MMS22L: variants seen among roughly 807,000 people sequenced by gnomAD.
MMS22L encodes protein MMS22-like.
MMS22L carries 74 observed loss-of-function variants against 159.1 expected under a neutral mutation model. The observed-to-expected ratio is 0.47, with a 90% CI of 0.39 to 0.56. MMS22L has a LOEUF of 0.56. Among genes scored for constraint, MMS22L ranks in the 20% least tolerant of loss-of-function variants. The probability of loss-of-function intolerance (pLI) is 0.00; values close to 1 mark genes in which losing one functional copy is unlikely to be tolerated. For synonymous variants in MMS22L, 517 were observed against 506.9 expected (o/e 1.02, Z -0.27); for missense variants, 1,351 against 1,422.1 (o/e 0.95, Z 0.80).
chr6:97,215,624 A>G (rs1347208407), intron 14 of MMS22L, among the ~76,000 whole-genome samples: 1 of 152,190 alleles, frequency 6.6e-6, no homozygotes, highest in Non-Finnish European at 1.5e-5. Flanking sequence ...AATGAGCAGC[A>G]TAGTGACACA....
chr6:97,241,089 AC>A (rs1442281642), intron 11 of MMS22L, among the ~76,000 whole-genome samples: 1 of 152,198 alleles, frequency 6.6e-6, no homozygotes. Flanking sequence ...GAGTGTTGTC[AC>A]TAAGAATAAT....
intron 7 of MMS22L, 114 bp downstream of exon 7, chr6:97,269,788 G>A (rs1815530473): frequency 1.4e-6 from 1 of 700,092 alleles, no homozygotes; most frequent in Non-Finnish European, 2.3e-6. Flanking sequence ...TTCATACTTT[G>A]TTTACTATTT....
At chr6:97,183,122 C>A (rs12190854) in intron 15 of MMS22L, among the ~76,000 whole-genome samples, 2 of 152,158 alleles carry the variant, frequency 1.3e-5, no homozygotes, top group Admixed American at 1.3e-4. Context: ...TTGTAAAGTA[C>A]CCCAATTTTT....
chr6:97,165,929 A>G (rs1582426440), intron 20 of MMS22L, among the ~76,000 whole-genome samples: 1 of 152,152 alleles, frequency 6.6e-6, no homozygotes, highest in African/African-American at 2.4e-5. Flanking sequence ...GGCGAGGAAT[A>G]TGGAAATTAA....
At chr6:97,174,714 C>T (rs931547442) in intron 18 of MMS22L, among the ~76,000 whole-genome samples, 7 of 152,020 alleles carry the variant, frequency 4.6e-5, no homozygotes, top group Admixed American at 6.6e-5. Flanking sequence ...GGTTTAGTCA[C>T]GGAAGTGGGT....
intron 14 of MMS22L, among the ~76,000 whole-genome samples, chr6:97,225,621 G>A (rs1264539095): frequency 6.6e-6 from 1 of 150,542 alleles, no homozygotes; most frequent in Non-Finnish European, 1.5e-5. Context: ...CACACAGGCT[G>A]GAGTGCAGTG....
At chr6:97,200,781 G>A (rs1337432453) in intron 14 of MMS22L, among the ~76,000 whole-genome samples, 2 of 152,040 alleles carry the variant, frequency 1.3e-5, no homozygotes, top group Non-Finnish European at 2.9e-5. Flanking sequence ...GGAAGAAATG[G>A]AAAGATACTT....
At chr6:97,161,009 A>G (rs953471017) in intron 22 of MMS22L, among the ~76,000 whole-genome samples, 3 of 151,942 alleles carry the variant, frequency 2.0e-5, no homozygotes, top group South Asian at 2.1e-4. Flanking sequence ...TTCTATATTT[A>G]TAATAGTTAC....
chr6:97,187,766 T>C (rs1805405712), intron 14 of MMS22L, among the ~76,000 whole-genome samples: 1 of 152,020 alleles, frequency 6.6e-6, no homozygotes, highest in Admixed American at 6.5e-5. Context: ...AGAACTAGCA[T>C]GTGTATCTAA....
chr6:97,233,892 G>GTAAC lies in MMS22L; in HGVS notation c.1267_1270dup (p.Thr424SerfsTer9), dbSNP rs1811124729. 1 of 1,607,934 alleles carries GTAAC rather than the reference G, an allele frequency of 6.2e-7. No homozygotes were observed. Among genetic ancestry groups the GTAAC allele is most frequent in the Non-Finnish European group, 8.5e-7 (1 of 1,177,394 alleles). On this transcript the variant is annotated frameshift_variant, in exon 12 of 25. Transcript: ENST00000683635. LOFTEE classifies it high-confidence loss of function. The stretch of plus-strand genomic sequence containing the variant: ...CTTACTATAATATTCCCATAAAATG[G>GTAAC]TAACAATTGCAATGTTTGGCTCCCA...
intron 11 of MMS22L, among the ~76,000 whole-genome samples, chr6:97,242,190 G>C (rs1244141603): frequency 6.6e-6 from 1 of 152,168 alleles, no homozygotes; most frequent in East Asian, 1.9e-4. Context: ...AGTGTTGTCA[G>C]TAGAGTACTG....
At chr6:97,154,365 C>T (rs1282458357) in intron 22 of MMS22L, among the ~76,000 whole-genome samples, 5 of 152,078 alleles carry the variant, frequency 3.3e-5, no homozygotes, top group African/African-American at 1.2e-4. Context: ...CACTCCTTAT[C>T]ACATATAATT....
chr6:97,231,328 A>C, intron 13 of MMS22L, 98 bp downstream of exon 13: 1 of 842,160 alleles, frequency 1.2e-6, no homozygotes, highest in Non-Finnish European at 1.9e-6. Context: ...ATTATAACTA[A>C]TTAAGACTCT....
At chr6:97,217,676 C>G (rs1809169095) in intron 14 of MMS22L, among the ~76,000 whole-genome samples, 2 of 152,088 alleles carry the variant, frequency 1.3e-5, no homozygotes, top group Non-Finnish European at 2.9e-5. Flanking sequence ...AGGGGCATAG[C>G]AAATAAAAAA....
intron 9 of MMS22L, among the ~76,000 whole-genome samples, chr6:97,256,138 G>A (rs1349869426): frequency 2.0e-5 from 3 of 151,800 alleles, no homozygotes; most frequent in African/African-American, 7.3e-5. Flanking sequence ...CTCCTTCTCT[G>A]GGGTTGAATA....
At chr6:97,230,267 T>A (rs1284987929) in intron 13 of MMS22L, 2 of 149,540 alleles carry the variant, frequency 1.3e-5, no homozygotes, top group Non-Finnish European at 3.0e-5. Context: ...TGGCTATTTT[T>A]TTTTTTTTTT....
At chr6:97,239,454 T>G (rs993431752) in intron 11 of MMS22L, among the ~76,000 whole-genome samples, 54 of 152,228 alleles carry the variant, frequency 3.5e-4, no homozygotes, top group Admixed American at 3.3e-3. Context: ...CGTTTACAAT[T>G]AGCATTCACA....
At chr6:97,216,042 A>T (rs1808975592) in intron 14 of MMS22L, among the ~76,000 whole-genome samples, 2 of 152,202 alleles carry the variant, frequency 1.3e-5, no homozygotes, top group Admixed American at 1.3e-4. Flanking sequence ...AATTTCTTTA[A>T]AATATAAATA....
chr6:97,161,864 T>C, intron 22 of MMS22L, 138 bp downstream of exon 22: 1 of 789,254 alleles, frequency 1.3e-6, no homozygotes, highest in South Asian at 1.9e-5. Context: ...AGCTGGAGTT[T>C]ATTCTTTAAC....
Sources: gnomAD v4.1 joint callset for allele counts (sites outside exome capture counted in the v4.1 genomes callset) on GRCh38, gnomAD v4.1.1 for gene constraint, MANE v1.5 for transcripts, NCBI Gene and HGNC (gene_info 2026-07-23, HGNC 2026-07-21) for gene names.